SPRTN: variants seen among roughly 807,000 people sequenced by gnomAD.
SPRTN encodes SprT-like N-terminal domain, also known as DNA-dependent metalloprotease SPRTN.
SPRTN carries 11 observed loss-of-function variants against 31.9 expected under a neutral mutation model. The observed-to-expected ratio is 0.34, with a 90% confidence interval of 0.22 to 0.57. The LOEUF (loss-of-function observed/expected upper bound fraction) is 0.57. Ranked by LOEUF, SPRTN falls within the 20% of genes least tolerant of loss-of-function variation. The pLI, the probability that SPRTN is intolerant of heterozygous loss-of-function variation, is 0.86. For synonymous variants in SPRTN, 185 were observed against 212.1 expected (o/e 0.87, Z 1.11); for missense variants, 482 against 590.1 (o/e 0.82, Z 1.90).
At chr1:231,338,694 A>G in intron 1 of SPRTN, 90 bp downstream of exon 1, 1 of 1,502,062 alleles carries the variant, frequency 6.7e-7, no homozygotes, top group Non-Finnish European at 9.2e-7. Context: ...CTCTAGTCCG[A>G]CGGTCCCAGG....
chr1:231,339,571 G>C, intron 1 of SPRTN, 198 bp from the exon 2 acceptor site: 1 of 747,802 alleles, frequency 1.3e-6, no homozygotes. Context: ...TGCCCGGCGG[G>C]GATCGGAGCC....
chr1:231,339,853 A>G lies in SPRTN; in HGVS notation c.306A>G (p.Arg102=), dbSNP rs757314351. The change falls in exon 2 of 5, where the codon AGA becomes AGG. Residue 102 remains arginine, a synonymous_variant. Coordinates refer to ENST00000295050, the MANE Select transcript of SPRTN (RefSeq NM_032018.7). The part of the protein sequence containing the change: ...LSEPLLKLRP[R]KDLVETLLHE... ...AACCCCTTTTGAAGTTGAGGCCAAG[A>G]AAGGATCTTGTAGAGGTATTTTTCG... The G allele has an allele frequency of 2.5e-6, 4 of 1,614,148 alleles. No homozygotes were observed. The South Asian group carries it at 4.4e-5, about 18-fold the overall frequency.
At position 231,353,742 on chromosome 1, in the gene SPRTN, G is replaced by C. The variant is rs1434611826; in HGVS notation, c.*381G>C. 2 of 986,446 alleles carry C rather than the reference G, an allele frequency of 2.0e-6. No individual in the cohort carries two copies. Among genetic ancestry groups the C allele is most frequent in the Non-Finnish European group, 1.2e-6 (1 of 828,544 alleles). 61.1% of individuals were successfully genotyped at this position (986,446 alleles called of 1,614,324 possible). ...TGGTTATATTGACTATTTATTAATA[G>C]TATTAGAACTCATTCCCTGAACTGA... On this transcript the variant is annotated 3_prime_UTR_variant, in exon 5 of 5. Transcript: ENST00000295050.
Position 231,338,387 on chromosome 1 carries a change from G to T in SPRTN, c.4G>T (p.Asp2Tyr). The T allele has an allele frequency of 1.9e-6, 3 of 1,614,058 alleles. No homozygotes were observed. The highest frequency in any genetic ancestry group is 2.5e-6 in the Non-Finnish European group (3 of 1,179,900). ...CCCGCCTGTGATCCTGGCAACGATG[G>T]ATGATGACTTGATGTTGGCACTGCG... M[D>Y]DDLMLALRLQ... Residue 2 changes from aspartate to tyrosine, a missense_variant, in exon 1 of 5, where the codon GAT (aspartate) becomes TAT (tyrosine). By Grantham distance (160) the Asp-to-Tyr change is radical. Around this residue, in one of 2 missense-constraint regions of SPRTN, gnomAD observed 157 missense variants for 239.9 expected, o/e 0.65. Transcript: ENST00000295050.
intron 2 of SPRTN, among the ~76,000 whole-genome samples, chr1:231,341,338 T>TG (rs1686884768): frequency 6.6e-6 from 1 of 152,112 alleles, no homozygotes; most frequent in African/African-American, 2.4e-5. Context: ...CAGATTTTTT[T>TG]TTTTTTTACT....
chr1:231,352,598 C>CT lies in SPRTN; in HGVS notation c.719-6dup. On this transcript the variant is annotated splice_polypyrimidine_tract_variant and intron_variant, in intron 4 of 4. Coordinates refer to ENST00000295050, the MANE Select transcript of SPRTN (RefSeq NM_032018.7). ...GGCACTTACATAACAATCTTCTTTG[C>CT]TTTTTTGGCAGATAAACCCAACAGA... is the stretch of plus-strand genomic sequence containing the variant. 6.5e-7 allele frequency: 1 copy of CT among 1,546,512 alleles called. No individual in the cohort carries two copies. The highest frequency in any genetic ancestry group is 8.7e-7 in the Non-Finnish European group (1 of 1,151,656).
chr1:231,353,696 T>TG lies in SPRTN; in HGVS notation c.*339dup. 4 of 996,434 alleles carry TG rather than the reference T, an allele frequency of 4.0e-6. No homozygotes were observed. The highest frequency in any genetic ancestry group is 4.8e-6 in the Non-Finnish European group (4 of 832,104). 61.7% of individuals were successfully genotyped at this position (996,434 alleles called of 1,614,324 possible). ...GTATACTTTCCTAAAAATATTCATA[T>TG]GGGGAATCCTGTCAGGTGTTTGGTT... On this transcript the variant is annotated 3_prime_UTR_variant, in exon 5 of 5. Transcript: ENST00000295050.
chr1:231,340,815 A>T (rs1299190635), intron 2 of SPRTN, among the ~76,000 whole-genome samples: 1 of 151,514 alleles, frequency 6.6e-6, no homozygotes, highest in Non-Finnish European at 1.5e-5. Context: ...AAAAAGAAAG[A>T]ATTATCTGTA....
intron 4 of SPRTN, chr1:231,352,077 T>C: frequency 3.0e-6 from 3 of 989,738 alleles, no homozygotes; most frequent in Non-Finnish European, 3.6e-6. Flanking sequence ...ATATGACATA[T>C]ATTTGCCAGT....
rs905653984 is a variant in SPRTN, at chr1:231,351,558, C to T, written c.705C>T (p.Ala235=). 1.2e-5 allele frequency: 19 copies of T among 1,613,926 alleles called. No individual in the cohort carries two copies. Among genetic ancestry groups the T allele is most frequent in the East Asian group, 2.2e-5 (1 of 44,886 alleles). Residue 235 remains alanine, a synonymous_variant, in exon 4 of 5, where the codon GCC becomes GCT. Coordinates refer to ENST00000295050, the MANE Select transcript of SPRTN (RefSeq NM_032018.7). ...KAKLGKEPVL[A]AENKDKPNRG... ...AACTAGGAAAGGAACCAGTATTGGC[C>T]GCAGAGAATAAAGGTACCTTCGTGT...
intron 2 of SPRTN, among the ~76,000 whole-genome samples, chr1:231,341,492 T>G (rs1177331600): frequency 6.6e-6 from 1 of 152,164 alleles, no homozygotes; most frequent in Non-Finnish European, 1.5e-5. Flanking sequence ...TTGGAGCATT[T>G]CAGATTTTGG....
intron 2 of SPRTN, among the ~76,000 whole-genome samples, chr1:231,344,887 G>A (rs1687007776): frequency 6.6e-6 from 1 of 152,128 alleles, no homozygotes; most frequent in South Asian, 2.1e-4. Context: ...CATGATTTCT[G>A]AATCAAAACC....
intron 2 of SPRTN, among the ~76,000 whole-genome samples, chr1:231,346,301 G>A (rs1200868776): frequency 6.9e-6 from 1 of 145,184 alleles, no homozygotes; most frequent in Non-Finnish European, 1.5e-5. Context: ...CAATTCCCCT[G>A]CCTCAGCCTC....
chr1:231,339,290 T>G (rs1022068103), intron 1 of SPRTN: 4 of 282,592 alleles, frequency 1.4e-5, no homozygotes, highest in Non-Finnish European at 2.7e-5. Context: ...GCGTCTGTTA[T>G]GATTTTGGAG....
intron 2 of SPRTN, among the ~76,000 whole-genome samples, chr1:231,344,177 T>G (rs1378427080): frequency 6.6e-6 from 1 of 152,190 alleles, no homozygotes; most frequent in Non-Finnish European, 1.5e-5. Context: ...TTGAGAAACT[T>G]TTGCAGTACC....
At position 231,351,548 on chromosome 1, in the gene SPRTN, C is replaced by T; in HGVS notation, c.695C>T (p.Pro232Leu). ...GGAAAGGCAAAACTAGGAAAGGAAC[C>T]AGTATTGGCCGCAGAGAATAAAGGT... ...GKGKAKLGKEPVLAAENKDKP... is the reference protein window; with the variant it reads ...GKGKAKLGKELVLAAENKDKP... Residue 232 changes from proline (P) to leucine (L), a missense_variant, in exon 4 of 5, where the codon CCA (proline) becomes CTA (leucine). Pro to Leu is a moderately conservative substitution (Grantham distance 98, BLOSUM62 -3). Around this residue, in one of 2 missense-constraint regions of SPRTN, gnomAD observed 325 missense variants for 350.2 expected, o/e 0.93. Transcript: ENST00000295050. 1.2e-6 allele frequency: 2 copies of T among 1,614,008 alleles called. No homozygotes were observed. The highest frequency in any genetic ancestry group is 1.7e-6 in the Non-Finnish European group (2 of 1,180,006).
At position 231,352,123 on chromosome 1, in the gene SPRTN, T is replaced by A. The variant is rs565918433; in HGVS notation, c.719-487T>A. ...CAAGATTTACCCTTTTCCTGTGAAGTTCAGAGTTACTGAAGATGCTTCTTC... is the reference window on the plus strand; with the variant it reads ...CAAGATTTACCCTTTTCCTGTGAAGATCAGAGTTACTGAAGATGCTTCTTC... On this transcript the variant is annotated intron_variant, in intron 4 of 4. Transcript: ENST00000295050. The A allele has an allele frequency of 7.6e-5, 75 of 989,794 alleles. No homozygotes were observed. The South Asian group carries it at 3.3e-3, about 44-fold the overall frequency. 61.3% of individuals were successfully genotyped at this position (989,794 alleles called of 1,614,324 possible).
At position 231,340,814 on chromosome 1, in the gene SPRTN, G is replaced by T. The variant is rs754932025; in HGVS notation, c.321+946G>T. ...ACTCTGTCTCAAAAAAAAAAAGAAA[G>T]AATTATCTGTACAAAAGAGCACAGT... On this transcript the variant is annotated intron_variant, in intron 2 of 4. Transcript: ENST00000295050. Among the ~76,000 whole-genome samples the T allele has an allele frequency of 2.7e-5, 4 of 150,604 alleles. 1 individual carries two copies. Among genetic ancestry groups the T allele is most frequent in the Non-Finnish European group, 5.9e-5 (4 of 67,552 alleles).
At chr1:231,351,120 A>G (rs1164709710) in intron 3 of SPRTN, among the ~76,000 whole-genome samples, 184 bp from the exon 4 acceptor site, 1 of 151,788 alleles carries the variant, frequency 6.6e-6, no homozygotes, top group Non-Finnish European at 1.5e-5. Context: ...TCCCATTAAA[A>G]TCAACTTTTG....
Sources: gnomAD v4.1 joint callset for allele counts (sites outside exome capture counted in the v4.1 genomes callset) on GRCh38, gnomAD v4.1.1 for gene constraint, gnomAD v4.1.1 regional missense constraint, MANE v1.5 for transcripts, NCBI Gene and HGNC (gene_info 2026-07-23, HGNC 2026-07-21) for gene names.